Variants in DPP6 observed in about 807,000 individuals in gnomAD.
The protein encoded by DPP6 is dipeptidyl peptidase like 6.
In DPP6, 69 loss-of-function variants were observed where a neutral mutation model predicts 122.6. The ratio of observed to expected loss-of-function variants is 0.56; its 90% CI spans 0.46 to 0.69. The LOEUF is 0.69. Among genes scored for constraint, DPP6 ranks in the 30% least tolerant of loss-of-function variants. The pLI is 0.00. For missense variants in DPP6, 928 were observed against 1,116.9 expected, an observed-to-expected ratio of 0.83 and a Z score of 2.41; for synonymous variants, 418 against 433.1, an observed-to-expected ratio of 0.97 and a Z score of 0.43.
chr7:154,169,060 A>T (rs1487823925), intron 1 of DPP6, among the ~76,000 whole-genome samples: 1 of 151,180 alleles, frequency 6.6e-6, no homozygotes, highest in South Asian at 2.1e-4. Flanking sequence ...GCTCAGGTGC[A>T]GCTGAGACCC....
chr7:154,393,143 G>A (rs1814766304), intron 1 of DPP6, among the ~76,000 whole-genome samples: 1 of 152,198 alleles, frequency 6.6e-6, no homozygotes. Context: ...AATGTACAGA[G>A]TGCAGAACAA....
At chr7:154,464,628 C>G (rs1343305085) in intron 2 of DPP6, among the ~76,000 whole-genome samples, 2 of 152,168 alleles carry the variant, frequency 1.3e-5, no homozygotes, top group Non-Finnish European at 2.9e-5. Context: ...TGTAACTGAA[C>G]AACTTTTCTT....
the DPP6 span, among the ~76,000 whole-genome samples, chr7:153,859,731 A>AGAG: frequency 2.4e-3 from 372 of 152,332 alleles, no homozygotes; most frequent in Non-Finnish European, 3.6e-3. Context: ...ATTGACTCAC[A>AGAG]GTTCTGCATG....
intron 1 of DPP6, among the ~76,000 whole-genome samples, chr7:154,121,488 C>T (rs2150606772): frequency 6.6e-6 from 1 of 152,290 alleles, no homozygotes; most frequent in Admixed American, 6.5e-5. Context: ...TTTTATTCAG[C>T]TCAAAGTATT....
intron 5 of DPP6, among the ~76,000 whole-genome samples, chr7:154,568,411 C>T (rs1309925778): frequency 6.6e-6 from 1 of 152,218 alleles, no homozygotes; most frequent in Non-Finnish European, 1.5e-5. Context: ...ATCATCGGAG[C>T]ACCCCGACAG....
At chr7:154,665,488 A>T (rs991335972) in intron 6 of DPP6, among the ~76,000 whole-genome samples, 3 of 152,092 alleles carry the variant, frequency 2.0e-5, no homozygotes, top group East Asian at 3.8e-4. Flanking sequence ...ATAAACCCCT[A>T]TTTTTTTAGT....
At chr7:153,859,861 G>T in the DPP6 span, among the ~76,000 whole-genome samples, 1 of 152,088 alleles carries the variant, frequency 6.6e-6, no homozygotes, top group Admixed American at 6.6e-5. Context: ...ATCAGATCTC[G>T]TGAGAACTCA....
Position 154,194,108 on chromosome 7 carries a change from C to T in DPP6, c.243+141045C>T, listed in dbSNP as rs187819702. 7.4e-4 allele frequency among the ~76,000 whole-genome samples: 112 copies of T among 152,244 alleles called. 1 individual carries two copies. Among genetic ancestry groups the T allele is most frequent in the Non-Finnish European group, 1.4e-3 (94 of 68,014 alleles). ...AGCCCCAAGGTATTCCTTACTTTGA[C>T]AAAATTCTTATTTTTCCTTAAGTGT... On this transcript the variant is annotated intron_variant, in intron 1 of 25. Coordinates refer to ENST00000377770, the MANE Select transcript of DPP6 (RefSeq NM_130797.4).
At chr7:154,778,101 G>A (rs1796697547) in intron 10 of DPP6, among the ~76,000 whole-genome samples, 1 of 152,160 alleles carries the variant, frequency 6.6e-6, no homozygotes, top group African/African-American at 2.4e-5. Context: ...TTGTTCCTCT[G>A]TGTTTTTGTA....
chr7:153,785,957 A>T, the DPP6 span, among the ~76,000 whole-genome samples: 7 of 152,214 alleles, frequency 4.6e-5, no homozygotes, highest in East Asian at 1.3e-3. Flanking sequence ...ATGGAAATAA[A>T]TAACAAATGT....
the DPP6 span, among the ~76,000 whole-genome samples, chr7:153,764,436 C>A: frequency 2.0e-3 from 298 of 152,200 alleles, 1 homozygote; most frequent in African/African-American, 7.0e-3. Flanking sequence ...CTCGCTCCTC[C>A]TCTGCACTCG....
intron 1 of DPP6, among the ~76,000 whole-genome samples, chr7:153,900,613 T>G (rs1364523284): frequency 1.3e-5 from 2 of 152,098 alleles, no homozygotes; most frequent in East Asian, 3.9e-4. Flanking sequence ...GACTAACTCA[T>G]TATCTCGAGG....
rs1022389562 is a variant in DPP6 at position 154,067,897 on chromosome 7, G to T, written c.243+14834G>T. Reference sequence around the variant, plus strand: ...GTGCATGCCACCACACCCACTCAAGGTTTTTTTTTGTTTTTTTTTTGTTTG... The same window carrying T: ...GTGCATGCCACCACACCCACTCAAGTTTTTTTTTTGTTTTTTTTTTGTTTG... On this transcript the variant is annotated intron_variant, in intron 1 of 25. Transcript: ENST00000377770. Among the ~76,000 whole-genome samples, 66 of 143,562 alleles carry T rather than the reference G, an allele frequency of 4.6e-4. 1 individual carries two copies. The highest frequency in any genetic ancestry group is 3.3e-3 in the Admixed American group (49 of 14,884). The allele number at this position is 143,562 out of a possible 152,430, so 94.2% of individuals were successfully genotyped here.
chr7:154,154,002 C>T (rs1467652770), intron 1 of DPP6, among the ~76,000 whole-genome samples: 1 of 152,144 alleles, frequency 6.6e-6, no homozygotes, highest in Non-Finnish European at 1.5e-5. Context: ...ATTTGTTCCT[C>T]GATCAGCCCA....
intron 1 of DPP6, among the ~76,000 whole-genome samples, chr7:154,252,683 T>C (rs1286281489): frequency 6.6e-6 from 1 of 152,156 alleles, no homozygotes; most frequent in African/African-American, 2.4e-5. Flanking sequence ...AAAAACTACA[T>C]GAGAGACTTA....
chr7:154,178,529 A>C (rs565594242), intron 1 of DPP6, among the ~76,000 whole-genome samples: 112 of 152,066 alleles, frequency 7.4e-4, no homozygotes, highest in Middle Eastern at 3.4e-3. Flanking sequence ...AAAAAAAAAA[A>C]CAATTCTAGT....
intron 1 of DPP6, among the ~76,000 whole-genome samples, chr7:153,956,689 A>C (rs909721192): frequency 6.6e-6 from 1 of 152,122 alleles, no homozygotes; most frequent in South Asian, 2.1e-4. Flanking sequence ...TCTTACTTTC[A>C]GCCTGTCATT....
At chr7:154,167,662 A>T (rs929427248) in intron 1 of DPP6, among the ~76,000 whole-genome samples, 1 of 152,138 alleles carries the variant, frequency 6.6e-6, no homozygotes. Flanking sequence ...AGCTGTTTTC[A>T]GGGGGGCATT....
At position 154,608,331 on chromosome 7, in the gene DPP6, A is replaced by ATATATATATG. The variant is rs1456144607; in HGVS notation, c.628-29481_628-29480insGTATATATAT. Among the ~76,000 whole-genome samples the ATATATATATG allele has an allele frequency of 1.2e-4, 13 of 112,544 alleles. 2 individuals carry two copies. The highest frequency in any genetic ancestry group is 2.2e-4 in the Non-Finnish European group (12 of 54,674). 73.8% of individuals were successfully genotyped at this position (112,544 alleles called of 152,430 possible). ...TTTTTAGGAGTGATCATATATATAT[A>ATATATATATG]TATATATATATTTTGAGATGGAATC... On this transcript the variant is annotated intron_variant, in intron 5 of 25. Transcript: ENST00000377770.
Sources: gnomAD v4.1 joint callset for allele counts (sites outside exome capture counted in the v4.1 genomes callset) on GRCh38, gnomAD v4.1.1 for gene constraint, MANE v1.5 for transcripts, NCBI Gene and HGNC (gene_info 2026-07-23, HGNC 2026-07-21) for gene names.